The following EYA4 variants were observed in gnomAD, a reference collection of about 807,000 sequenced individuals.
The protein encoded by EYA4 is EYA transcriptional coactivator and phosphatase 4.
EYA4 carries 31 observed loss-of-function variants against 87.9 expected under a neutral mutation model. The observed-to-expected ratio is 0.35, with a 90% CI of 0.27 to 0.48. The LOEUF is 0.48. EYA4 is among the 20% of genes least tolerant of loss of function. EYA4 has a pLI of 0.99. For synonymous variants in EYA4, 263 were observed against 270.6 expected, an observed-to-expected ratio of 0.97 and a Z score of 0.28; for missense variants, 678 against 761.4, an observed-to-expected ratio of 0.89 and a Z score of 1.29.
intron 1 of EYA4, among the ~76,000 whole-genome samples, chr6:133,261,936 TATTA>T (rs1775828338): frequency 6.6e-6 from 1 of 152,230 alleles, no homozygotes; most frequent in South Asian, 2.1e-4. Context: ...TATTTAGAGA[TATTA>T]ATTAGCTTTT....
intron 2 of EYA4, among the ~76,000 whole-genome samples, chr6:133,348,086 C>T (rs575581094): frequency 2.0e-5 from 3 of 152,196 alleles, no homozygotes; most frequent in African/African-American, 7.2e-5. Flanking sequence ...TCCTTCCATC[C>T]TTCAAGCTCT....
chr6:133,382,783 A>T (rs1382645864), intron 3 of EYA4, among the ~76,000 whole-genome samples: 1 of 129,274 alleles, frequency 7.7e-6, no homozygotes, highest in Non-Finnish European at 1.7e-5. Flanking sequence ...TAACTGTCAA[A>T]TCTGTGTTTA....
intron 14 of EYA4, among the ~76,000 whole-genome samples, chr6:133,508,763 T>G (rs1259822844): frequency 2.0e-5 from 3 of 152,208 alleles, no homozygotes; most frequent in Non-Finnish European, 4.4e-5. Context: ...GTTGTAGTCA[T>G]GTATGGCACT....
chr6:133,463,603 C>T (rs986771057), intron 9 of EYA4, among the ~76,000 whole-genome samples: 5 of 152,030 alleles, frequency 3.3e-5, no homozygotes, highest in Non-Finnish European at 5.9e-5. Context: ...TCAGGTGACC[C>T]GCCCGCCACG....
chr6:133,530,323 GT>G lies in EYA4; in HGVS notation c.*1520del. ...TTCATTACAAGAAGAGCCCATCATC[GT>G]TGTGTTTGCATGGTTTTTTTCCTTG... On this transcript the variant is annotated 3_prime_UTR_variant, in exon 20 of 20. Coordinates refer to ENST00000355286, the MANE Select transcript of EYA4 (RefSeq NM_004100.5). The G allele has an allele frequency of 1.0e-6, 1 of 985,418 alleles. No individual in the cohort carries two copies. Among genetic ancestry groups the G allele is most frequent in the Non-Finnish European group, 1.2e-6 (1 of 829,928 alleles). The allele number at this position is 985,418 out of a possible 1,614,324, so 61.0% of individuals were successfully genotyped here.
At chr6:133,243,689 G>A (rs1230798302) in intron 1 of EYA4, among the ~76,000 whole-genome samples, 1 of 145,344 alleles carries the variant, frequency 6.9e-6, no homozygotes, top group Non-Finnish European at 1.5e-5. Flanking sequence ...AATATTATTG[G>A]CAAGCTTAAA....
At position 133,531,723 on chromosome 6, in the gene EYA4, G is replaced by A. The variant is rs75986250; in HGVS notation, c.*2918G>A. On this transcript the variant is annotated 3_prime_UTR_variant, in exon 20 of 20. Coordinates refer to ENST00000355286, the MANE Select transcript of EYA4 (RefSeq NM_004100.5). ...TTTTAGAATCATACAGTTTGCACAC[G>A]ACAAGTAGGTAATAACTGTCTCTAA... is the stretch of plus-strand genomic sequence containing the variant. The A allele has an allele frequency of 3.7e-3, 573 of 153,192 alleles. 6 individuals carry two copies. Among genetic ancestry groups the A allele is most frequent in the Admixed American group, 0.027 (411 of 15,404 alleles). 9.5% of individuals were successfully genotyped at this position (153,192 alleles called of 1,614,324 possible).
chr6:133,483,206 GT>G (rs976991213), intron 13 of EYA4, 91 bp downstream of exon 13: 7 of 921,614 alleles, frequency 7.6e-6, no homozygotes, highest in South Asian at 1.4e-5. Flanking sequence ...TCTTTTAAGT[GT>G]TTTTTTATTG....
chr6:133,495,767 G>A lies in EYA4; in HGVS notation c.1192-10339G>A, dbSNP rs111728921. 1.9e-3 allele frequency among the ~76,000 whole-genome samples: 285 copies of A among 152,164 alleles called. 1 individual carries two copies. The highest frequency in any genetic ancestry group is 6.0e-3 in the African/African-American group (247 of 41,464). On this transcript the variant is annotated intron_variant, in intron 13 of 19. Coordinates refer to ENST00000355286, the MANE Select transcript of EYA4 (RefSeq NM_004100.5). ...GGGCCTGTTGAGCACAGATTGCTGC[G>A]TTACAACCCAGAGTTTCTGATTCAA...
In EYA4 at chr6:133,289,911, A is replaced by AAAAC. The variant is rs1178513325; in HGVS notation, c.33+15110_33+15113dup. ...ATAGCAGGGTAGAAGGAGAACTGCGAAAACAAACAAACAAAGGAGAGTTAA... is the reference window on the plus strand; with the variant it reads ...ATAGCAGGGTAGAAGGAGAACTGCGAAAACAAACAAACAAACAAAGGAGAGTTAA... On this transcript the variant is annotated intron_variant, in intron 2 of 19. Coordinates refer to ENST00000355286, the MANE Select transcript of EYA4 (RefSeq NM_004100.5). Among the ~76,000 whole-genome samples, 10 of 152,346 alleles carry AAAAC rather than the reference A, an allele frequency of 6.6e-5. No individual in the cohort carries two copies. The East Asian group carries it at 7.7e-4, about 12-fold the overall frequency.
intron 2 of EYA4, among the ~76,000 whole-genome samples, chr6:133,301,567 T>C (rs1779408856): frequency 6.6e-6 from 1 of 152,242 alleles, no homozygotes; most frequent in Non-Finnish European, 1.5e-5. Context: ...TAAGCATGTG[T>C]TAAGTATTCT....
intron 1 of EYA4, among the ~76,000 whole-genome samples, chr6:133,271,354 A>G (rs998279804): frequency 6.6e-6 from 1 of 152,182 alleles, no homozygotes; most frequent in African/African-American, 2.4e-5. Flanking sequence ...GCATGAGCCC[A>G]TTGTCGCACT....
At chr6:133,264,761 C>T (rs1444809046) in intron 1 of EYA4, among the ~76,000 whole-genome samples, 1 of 152,150 alleles carries the variant, frequency 6.6e-6, no homozygotes, top group African/African-American at 2.4e-5. Context: ...AGATGTGCCC[C>T]CTCCACTCCA....
chr6:133,319,939 C>T (rs1562285001), intron 2 of EYA4, among the ~76,000 whole-genome samples: 1 of 152,002 alleles, frequency 6.6e-6, no homozygotes. Context: ...TCTTGAACTC[C>T]TGGGCTCAAG....
At chr6:133,427,054 A>G (rs573290494) in intron 3 of EYA4, among the ~76,000 whole-genome samples, 17 of 152,362 alleles carry the variant, frequency 1.1e-4, no homozygotes, top group African/African-American at 4.1e-4. Flanking sequence ...TGTAAAGGAA[A>G]GCCAAGGGCT....
chr6:133,273,315 T>C (rs947224346), intron 1 of EYA4, among the ~76,000 whole-genome samples: 1 of 151,938 alleles, frequency 6.6e-6, no homozygotes, highest in Non-Finnish European at 1.5e-5. Flanking sequence ...TTCACACTTT[T>C]CTGCCTGCTT....
At chr6:133,434,643 T>A (rs1791489664) in intron 3 of EYA4, among the ~76,000 whole-genome samples, 1 of 152,206 alleles carries the variant, frequency 6.6e-6, no homozygotes. Context: ...AAGCACAATA[T>A]TCCATTTTGC....
chr6:133,494,687 A>AAAAG (rs58053222), intron 13 of EYA4, among the ~76,000 whole-genome samples: 3 of 149,786 alleles, frequency 2.0e-5, no homozygotes, highest in Non-Finnish European at 4.5e-5. Flanking sequence ...AAAAAAAAAA[A>AAAAG]GTGTTTTTTT....
chr6:133,412,011 A>G (rs1262106634), intron 3 of EYA4, among the ~76,000 whole-genome samples: 3 of 152,218 alleles, frequency 2.0e-5, no homozygotes, highest in Non-Finnish European at 4.4e-5. Flanking sequence ...TGTAAACTAT[A>G]ATTGTTGCTG....
Sources: gnomAD v4.1 joint callset for allele counts (sites outside exome capture counted in the v4.1 genomes callset) on GRCh38, gnomAD v4.1.1 for gene constraint, MANE v1.5 for transcripts, NCBI Gene and HGNC (gene_info 2026-07-23, HGNC 2026-07-21) for gene names.